The following CNTNAP2 variants were observed in gnomAD, a reference collection of about 807,000 sequenced individuals.
CNTNAP2 encodes the protein contactin associated protein 2.
Under a neutral mutation model 155.2 loss-of-function variants are expected in CNTNAP2, and 98 were observed. The ratio of observed to expected loss-of-function variants is 0.63; its 90% CI spans 0.54 to 0.75. The LOEUF (loss-of-function observed/expected upper bound fraction) is 0.75. Among genes scored for constraint, CNTNAP2 ranks in the 30% least tolerant of loss-of-function variants. CNTNAP2 has a pLI of 0.00. For missense variants in CNTNAP2, 1,727 were observed against 1,688.1 expected, an observed-to-expected ratio of 1.02 and a Z score of -0.40; for synonymous variants, 651 against 631.2, an observed-to-expected ratio of 1.03 and a Z score of -0.47.
intron 1 of CNTNAP2, among the ~76,000 whole-genome samples, chr7:146,545,766 T>C (rs1798020833): frequency 6.6e-6 from 1 of 151,978 alleles, no homozygotes; most frequent in East Asian, 1.9e-4. Context: ...GGAAAGACAG[T>C]GTGGCAATTC....
intron 13 of CNTNAP2, among the ~76,000 whole-genome samples, chr7:147,726,614 C>T (rs1236356771): frequency 6.6e-6 from 1 of 152,084 alleles, no homozygotes; most frequent in Admixed American, 6.6e-5. Context: ...ACGTCTTTGT[C>T]CTGGGTCAGG....
intron 1 of CNTNAP2, among the ~76,000 whole-genome samples, chr7:146,418,025 C>T (rs1563076367): frequency 6.6e-6 from 1 of 152,162 alleles, no homozygotes; most frequent in Non-Finnish European, 1.5e-5. Flanking sequence ...GTTAGAGAAA[C>T]AGACCATGTG....
At chr7:147,619,914 A>G (rs10248268) in intron 12 of CNTNAP2, among the ~76,000 whole-genome samples, 14,087 of 152,230 alleles carry the variant, frequency 0.093, 1,804 homozygotes, top group African/African-American at 0.27. Flanking sequence ...GACCCAGCAC[A>G]ATCCTAGTGG....
chr7:146,733,383 G>T (rs1416520918), intron 1 of CNTNAP2, among the ~76,000 whole-genome samples: 3 of 151,816 alleles, frequency 2.0e-5, no homozygotes, highest in Non-Finnish European at 2.9e-5. Flanking sequence ...TTATTCGTTT[G>T]CTTATTATTT....
chr7:146,817,699 C>G (rs960898020), intron 2 of CNTNAP2, among the ~76,000 whole-genome samples: 1 of 151,920 alleles, frequency 6.6e-6, no homozygotes, highest in East Asian at 1.9e-4. Flanking sequence ...CACTTTTAAA[C>G]AACCAGATCT....
intron 7 of CNTNAP2, among the ~76,000 whole-genome samples, chr7:147,130,967 G>C (rs1393605824): frequency 6.6e-6 from 1 of 151,634 alleles, no homozygotes; most frequent in Non-Finnish European, 1.5e-5. Flanking sequence ...TTAATTCAGA[G>C]AGACTGCCTG....
intron 18 of CNTNAP2, among the ~76,000 whole-genome samples, chr7:148,194,136 AGTGTGTGT>A (rs5888309): frequency 7.0e-5 from 10 of 141,884 alleles, no homozygotes; most frequent in East Asian, 6.4e-4. Flanking sequence ...ATGCCTGGCT[AGTGTGTGT>A]GTGTGTGTGT....
chr7:146,861,173 G>A (rs2129205172), intron 3 of CNTNAP2, among the ~76,000 whole-genome samples: 1 of 152,150 alleles, frequency 6.6e-6, no homozygotes, highest in African/African-American at 2.4e-5. Context: ...CGATTCTCCT[G>A]CCTCAGCCTC....
intron 10 of CNTNAP2, among the ~76,000 whole-genome samples, chr7:147,407,718 A>T (rs1797034025): frequency 6.6e-6 from 1 of 152,184 alleles, no homozygotes; most frequent in Non-Finnish European, 1.5e-5. Flanking sequence ...AGAAGCATGT[A>T]AGCATTTGCT....
intron 1 of CNTNAP2, among the ~76,000 whole-genome samples, chr7:146,447,579 G>T (rs1211678433): frequency 1.3e-5 from 2 of 151,934 alleles, no homozygotes; most frequent in Admixed American, 6.6e-5. Flanking sequence ...CAAAAAATAT[G>T]CATTGTTATA....
At chr7:147,062,127 C>CAAAAAAAAAAAAAAAAAA (rs869125044) in intron 4 of CNTNAP2, among the ~76,000 whole-genome samples, 1 of 44,938 alleles carries the variant, frequency 2.2e-5, no homozygotes, top group African/African-American at 9.7e-5. Context: ...GACTCCGTCT[C>CAAAAAAAAAAAAAAAAAA]AAAAAAAAAA....
chr7:148,413,632 C>A (rs1799907106), intron 23 of CNTNAP2, among the ~76,000 whole-genome samples: 1 of 151,338 alleles, frequency 6.6e-6, no homozygotes. Flanking sequence ...TGCTGATTTT[C>A]TGTTCAATTG....
intron 16 of CNTNAP2, among the ~76,000 whole-genome samples, chr7:148,120,451 A>G (rs185473627): frequency 2.0e-5 from 3 of 151,614 alleles, no homozygotes; most frequent in Non-Finnish European, 2.9e-5. Flanking sequence ...GGTTTTTGTC[A>G]CTGCGGGATC....
chr7:148,306,321 C>T (rs143944408), intron 21 of CNTNAP2, among the ~76,000 whole-genome samples: 70 of 152,296 alleles, frequency 4.6e-4, no homozygotes, highest in Middle Eastern at 3.4e-3. Flanking sequence ...TCTGTTGGAA[C>T]ACACATGGGG....
Position 147,719,894 on chromosome 7 carries a change from C to G in CNTNAP2, c.2098+80588C>G, listed in dbSNP as rs1796539131. Among the ~76,000 whole-genome samples, 3 of 152,076 alleles carry G rather than the reference C, an allele frequency of 2.0e-5. No individual in the cohort carries two copies. In the South Asian group the frequency reaches 6.2e-4, roughly 32 times the overall value. Reference sequence around the variant, plus strand: ...TTATTTTCCATGTCCTTTACCACTACTGTGATTGAAGATTTCCTACTTTCT... The same window carrying G: ...TTATTTTCCATGTCCTTTACCACTAGTGTGATTGAAGATTTCCTACTTTCT... On this transcript the variant is annotated intron_variant, in intron 13 of 23. Coordinates refer to ENST00000361727, the MANE Select transcript of CNTNAP2 (RefSeq NM_014141.6).
At chr7:148,159,830 A>G (rs1272850787) in intron 17 of CNTNAP2, among the ~76,000 whole-genome samples, 2 of 152,210 alleles carry the variant, frequency 1.3e-5, no homozygotes, top group East Asian at 3.8e-4. Context: ...CTATTTTGCT[A>G]GTTAGATGTG....
chr7:148,383,500 T>C (rs1037061719), intron 21 of CNTNAP2, 149 bp from the exon 22 acceptor site: 17 of 1,141,044 alleles, frequency 1.5e-5, no homozygotes, highest in Non-Finnish European at 2.2e-5. Context: ...CTAAATCTTA[T>C]CGACCCATTA....
chr7:147,089,838 T>C (rs1474618064), intron 4 of CNTNAP2, among the ~76,000 whole-genome samples: 3 of 152,196 alleles, frequency 2.0e-5, no homozygotes, highest in African/African-American at 4.8e-5. Context: ...TTGAAGGTGT[T>C]CATATAAGCA....
intron 2 of CNTNAP2, among the ~76,000 whole-genome samples, chr7:146,784,181 A>G (rs1169385022): frequency 6.6e-6 from 1 of 152,166 alleles, no homozygotes; most frequent in Non-Finnish European, 1.5e-5. Flanking sequence ...GGAAGTTACT[A>G]TTTTCCCCTT....
Sources: allele counts gnomAD v4.1 joint callset (sites outside exome capture counted in the v4.1 genomes callset), GRCh38; gene constraint gnomAD v4.1.1; transcripts MANE v1.5; gene names NCBI Gene and HGNC (gene_info 2026-07-23, HGNC 2026-07-21).